Variants in DOCK3 observed in about 807,000 individuals in gnomAD.
DOCK3 encodes the protein dedicator of cytokinesis 3.
A neutral mutation model predicts 265.6 loss-of-function variants in DOCK3; 60 were observed. The ratio of observed to expected loss-of-function variants is 0.23; its 90% CI spans 0.18 to 0.28. DOCK3 has a LOEUF of 0.28. Among genes scored for constraint, DOCK3 ranks in the 10% least tolerant of loss-of-function variants. The pLI, the probability that DOCK3 is intolerant of heterozygous loss-of-function variation, is 1.00. For missense variants in DOCK3, 1,981 were observed against 2,594.3 expected (o/e 0.76, Z 5.14); for synonymous variants, 881 against 938.0 (o/e 0.94, Z 1.11).
intron 1 of DOCK3, among the ~76,000 whole-genome samples, chr3:50,766,251 T>C (rs1051454958): frequency 7.9e-5 from 12 of 151,356 alleles, no homozygotes; most frequent in Non-Finnish European, 1.8e-4. Context: ...TAGGCATATC[T>C]CCTAATGCTA....
chr3:50,688,150 T>C (rs756722915), intron 1 of DOCK3, among the ~76,000 whole-genome samples: 8 of 152,154 alleles, frequency 5.3e-5, no homozygotes, highest in Non-Finnish European at 1.2e-4. Flanking sequence ...TCTTCACCAA[T>C]AGTAAAGGGC....
intron 23 of DOCK3, 64 bp from the exon 24 acceptor site, chr3:51,270,751 T>G: frequency 6.6e-7 from 1 of 1,504,650 alleles, no homozygotes. Flanking sequence ...TATCATTGTC[T>G]GAGCATGAAA....
chr3:50,678,631 C>T (rs920445379), intron 1 of DOCK3, among the ~76,000 whole-genome samples: 1 of 152,052 alleles, frequency 6.6e-6, no homozygotes, highest in East Asian at 1.9e-4. Flanking sequence ...TATTCTGCTG[C>T]TGTCATTAGG....
intron 10 of DOCK3, among the ~76,000 whole-genome samples, chr3:51,147,291 A>G (rs375707552): frequency 6.6e-6 from 1 of 152,184 alleles, no homozygotes; most frequent in Admixed American, 6.5e-5. Context: ...GACAAACTAA[A>G]TAGTCCTCTT....
intron 1 of DOCK3, among the ~76,000 whole-genome samples, chr3:50,688,802 A>G (rs1450129187): frequency 1.3e-5 from 2 of 152,070 alleles, no homozygotes; most frequent in African/African-American, 4.8e-5. Context: ...TATTGTTGGC[A>G]TTCTTAGAAT....
chr3:50,720,810 T>C (rs2037434895), intron 1 of DOCK3, among the ~76,000 whole-genome samples: 1 of 152,358 alleles, frequency 6.6e-6, no homozygotes, highest in South Asian at 2.1e-4. Flanking sequence ...CAATTTACAT[T>C]TCCACCAGCA....
chr3:51,178,028 T>TAAAAA (rs59659600), intron 12 of DOCK3, among the ~76,000 whole-genome samples: 36 of 138,080 alleles, frequency 2.6e-4, no homozygotes, highest in Admixed American at 4.3e-4. Context: ...CTCAAAATAG[T>TAAAAA]AAAAAAAAAA....
intron 5 of DOCK3, among the ~76,000 whole-genome samples, chr3:50,977,207 G>A (rs950884478): frequency 6.6e-6 from 1 of 151,264 alleles, no homozygotes; most frequent in Admixed American, 6.6e-5. Flanking sequence ...TGGTTATTTT[G>A]CTCATTAGTT....
At chr3:51,019,165 T>G (rs1052655601) in intron 5 of DOCK3, among the ~76,000 whole-genome samples, 1 of 151,888 alleles carries the variant, frequency 6.6e-6, no homozygotes, top group African/African-American at 2.4e-5. Context: ...CCTTTATACC[T>G]AGCGCTTTTT....
At chr3:51,222,785 T>C (rs906993798) in intron 14 of DOCK3, among the ~76,000 whole-genome samples, 1 of 152,160 alleles carries the variant, frequency 6.6e-6, no homozygotes, top group Non-Finnish European at 1.5e-5. Flanking sequence ...TTTAAAAAAA[T>C]GAAAACTACA....
At chr3:50,697,956 C>T (rs969968579) in intron 1 of DOCK3, among the ~76,000 whole-genome samples, 3 of 151,920 alleles carry the variant, frequency 2.0e-5, no homozygotes, top group African/African-American at 4.8e-5. Context: ...AGTTTTCTTC[C>T]ATGATGTTTA....
Position 51,319,886 on chromosome 3 carries a change from C to A in DOCK3, c.3402+4758C>A, listed in dbSNP as rs527282509. 1.5e-3 allele frequency among the ~76,000 whole-genome samples: 220 copies of A among 151,644 alleles called. 1 individual carries two copies. Among genetic ancestry groups the A allele is most frequent in the African/African-American group, 4.2e-3 (175 of 41,384 alleles). On this transcript the variant is annotated intron_variant, in intron 32 of 52. Transcript: ENST00000266037. ...CTCAAAAAAAAACAAACAACAACAA[C>A]AAAAAAACGCAATAGCTATAATGAA...
chr3:50,966,325 C>T (rs552441053), intron 5 of DOCK3, among the ~76,000 whole-genome samples: 2 of 151,776 alleles, frequency 1.3e-5, no homozygotes, highest in South Asian at 4.2e-4. Context: ...GGGTATATAC[C>T]CAGAAGTGGG....
chr3:51,089,319 C>G (rs1263566911), intron 8 of DOCK3, 35 bp downstream of exon 8: 1 of 1,596,362 alleles, frequency 6.3e-7, no homozygotes, highest in Non-Finnish European at 8.5e-7. Flanking sequence ...AGCCTTTCCC[C>G]TCAACTTTTT....
intron 1 of DOCK3, among the ~76,000 whole-genome samples, chr3:50,712,178 C>A (rs1244067211): frequency 2.6e-5 from 4 of 152,084 alleles, no homozygotes; most frequent in African/African-American, 7.2e-5. Flanking sequence ...TAATCATTGT[C>A]ATTTTTTCCT....
intron 5 of DOCK3, among the ~76,000 whole-genome samples, chr3:50,975,793 G>A (rs1391857769): frequency 6.6e-6 from 1 of 151,796 alleles, no homozygotes; most frequent in Non-Finnish European, 1.5e-5. Flanking sequence ...TGGTTGGTAA[G>A]CTATTGATTA....
intron 27 of DOCK3, among the ~76,000 whole-genome samples, chr3:51,290,990 T>C (rs1456356100): frequency 6.6e-6 from 1 of 152,092 alleles, no homozygotes; most frequent in Non-Finnish European, 1.5e-5. Context: ...AGGCAGAGAA[T>C]TGTTTGAACC....
chr3:50,781,615 AT>A (rs1309865584), intron 2 of DOCK3, among the ~76,000 whole-genome samples: 2 of 151,776 alleles, frequency 1.3e-5, no homozygotes, highest in Admixed American at 6.6e-5. Context: ...AATTTGAAAT[AT>A]TTATTTATTT....
chr3:51,146,306 A>T (rs1382457519), intron 9 of DOCK3, among the ~76,000 whole-genome samples: 1 of 152,198 alleles, frequency 6.6e-6, no homozygotes, highest in Non-Finnish European at 1.5e-5. Flanking sequence ...CTTCAAACAG[A>T]TAAAACACAC....
Sources: gnomAD v4.1 joint callset for allele counts (sites outside exome capture counted in the v4.1 genomes callset) on GRCh38, gnomAD v4.1.1 for gene constraint, MANE v1.5 for transcripts, NCBI Gene and HGNC (gene_info 2026-07-23, HGNC 2026-07-21) for gene names.